FOXP1: variants seen among roughly 807,000 people sequenced by gnomAD.
The protein encoded by FOXP1 is forkhead box P1.
FOXP1 carries 15 observed loss-of-function variants against 98.2 expected under a neutral mutation model. The observed-to-expected ratio is 0.15, with a 90% CI of 0.10 to 0.24. FOXP1 has a LOEUF of 0.24. Among genes scored for constraint, FOXP1 ranks in the 10% least tolerant of loss-of-function variants. The pLI is 1.00. For synonymous variants in FOXP1, 371 were observed against 314.5 expected (o/e 1.18, Z -1.90); for missense variants, 633 against 848.5 (o/e 0.75, Z 3.15).
intron 7 of FOXP1, among the ~76,000 whole-genome samples, chr3:71,054,570 T>C (rs2050355223): frequency 6.6e-6 from 1 of 152,198 alleles, no homozygotes; most frequent in Non-Finnish European, 1.5e-5. Flanking sequence ...GTTACACAAA[T>C]TGTATTCAAG....
chr3:71,098,552 AC>A (rs1379702431), intron 7 of FOXP1, among the ~76,000 whole-genome samples: 1 of 152,186 alleles, frequency 6.6e-6, no homozygotes, highest in Non-Finnish European at 1.5e-5. Flanking sequence ...GGGCTCGCGA[AC>A]CTGAGACCAG....
intron 3 of FOXP1, among the ~76,000 whole-genome samples, chr3:71,405,830 G>C (rs1446835384): frequency 6.6e-6 from 1 of 151,976 alleles, no homozygotes; most frequent in Non-Finnish European, 1.5e-5. Context: ...CCGGGTTCAA[G>C]CAATTCTCTT....
At chr3:71,035,945 C>T (rs192192303) in intron 11 of FOXP1, among the ~76,000 whole-genome samples, 1 of 152,022 alleles carries the variant, frequency 6.6e-6, no homozygotes, top group East Asian at 1.9e-4. Context: ...ACCAAGAGCA[C>T]TGACATTTAT....
At chr3:71,340,275 AT>A (rs1162014162) in intron 4 of FOXP1, among the ~76,000 whole-genome samples, 3 of 152,366 alleles carry the variant, frequency 2.0e-5, no homozygotes, top group African/African-American at 2.4e-5. Context: ...GAAACTATAT[AT>A]GTATTTGTGC....
chr3:71,053,128 G>A (rs1227127136), intron 8 of FOXP1, among the ~76,000 whole-genome samples: 2 of 152,120 alleles, frequency 1.3e-5, no homozygotes, highest in African/African-American at 4.8e-5. Flanking sequence ...GGTCCCCATA[G>A]TGCAATGACA....
intron 4 of FOXP1, among the ~76,000 whole-genome samples, chr3:71,316,023 G>A (rs1023958695): frequency 1.3e-5 from 2 of 152,208 alleles, no homozygotes; most frequent in African/African-American, 4.8e-5. Context: ...AGGCAGCAAA[G>A]TGAAGTGGAG....
chr3:71,435,272 GAAGA>G (rs1360611983), intron 3 of FOXP1, among the ~76,000 whole-genome samples: 71 of 4,204 alleles, frequency 0.017, 33 homozygotes, highest in Non-Finnish European at 0.035. Flanking sequence ...GGGAGGGAGG[GAAGA>G]AGGGAGGGAG....
At chr3:71,133,805 G>A (rs1006345667) in intron 6 of FOXP1, among the ~76,000 whole-genome samples, 5 of 143,328 alleles carry the variant, frequency 3.5e-5, no homozygotes, top group African/African-American at 1.2e-4. Context: ...TTTTATACCC[G>A]AAAGTCTACC....
intron 6 of FOXP1, among the ~76,000 whole-genome samples, chr3:71,189,931 C>T (rs1055564309): frequency 6.6e-5 from 10 of 152,314 alleles, no homozygotes; most frequent in Non-Finnish European, 7.3e-5. Flanking sequence ...GTTCAAGAAG[C>T]CAGGAGGGAT....
intron 2 of FOXP1, among the ~76,000 whole-genome samples, chr3:71,569,844 G>A (rs1191838028): frequency 6.6e-6 from 1 of 150,892 alleles, no homozygotes; most frequent in Middle Eastern, 3.4e-3. Context: ...GTCCAGTGGC[G>A]CGATCTCAGC....
At chr3:71,081,061 G>A (rs762084767) in intron 7 of FOXP1, among the ~76,000 whole-genome samples, 12 of 152,158 alleles carry the variant, frequency 7.9e-5, no homozygotes, top group Admixed American at 5.2e-4. Context: ...GGCAACCTCC[G>A]ACTAAACTAA....
At chr3:71,301,959 C>T (rs2073881908) in intron 4 of FOXP1, among the ~76,000 whole-genome samples, 1 of 152,138 alleles carries the variant, frequency 6.6e-6, no homozygotes, top group Non-Finnish European at 1.5e-5. Flanking sequence ...ATACAACTGA[C>T]CATCCAATTT....
chr3:71,497,563 C>T (rs1356809870), intron 2 of FOXP1, among the ~76,000 whole-genome samples: 1 of 152,170 alleles, frequency 6.6e-6, no homozygotes, highest in Non-Finnish European at 1.5e-5. Context: ...CAGGGAGGCA[C>T]CAGCTTGAAG....
At chr3:70,992,601 G>A (rs1012658225) in intron 13 of FOXP1, among the ~76,000 whole-genome samples, 1 of 152,070 alleles carries the variant, frequency 6.6e-6, no homozygotes, top group African/African-American at 2.4e-5. Context: ...CAGGTGGTGG[G>A]CAATATATGG....
At position 71,583,715 on chromosome 3, in the gene FOXP1, G is replaced by C. The variant is rs2107920881; in HGVS notation, c.-591C>G. The stretch of plus-strand genomic sequence containing the variant: ...ACACGCACTCCCGGGCGAGGGCCGG[G>C]CCGCCGCGAGTACAGCGTGCAACCG... On this transcript the variant is annotated 5_prime_UTR_variant, in exon 1 of 21. Transcript: ENST00000649528. 2.0e-6 allele frequency: 2 copies of C among 985,084 alleles called. No individual in the cohort carries two copies. The highest frequency in any genetic ancestry group is 2.4e-6 in the Non-Finnish European group (2 of 829,884). The allele number at this position is 985,084 out of a possible 1,614,324, so 61.0% of individuals were successfully genotyped here. A position where few individuals can be genotyped will look rare whatever the true frequency, so the allele number is the denominator to read the frequency against.
chr3:71,508,886 G>C (rs1039779175), intron 2 of FOXP1, among the ~76,000 whole-genome samples: 1 of 152,074 alleles, frequency 6.6e-6, no homozygotes, highest in African/African-American at 2.4e-5. Context: ...CAGTTTCCTT[G>C]CTTACAAGAT....
chr3:71,126,908 A>C (rs2059246070), intron 6 of FOXP1, among the ~76,000 whole-genome samples: 1 of 151,656 alleles, frequency 6.6e-6, no homozygotes, highest in South Asian at 2.1e-4. Context: ...AAAAGAAAGA[A>C]GAAAAAAGAA....
chr3:71,043,860 G>A (rs758614334), intron 10 of FOXP1, among the ~76,000 whole-genome samples: 11 of 152,154 alleles, frequency 7.2e-5, no homozygotes, highest in Non-Finnish European at 1.3e-4. Flanking sequence ...TATACCTACA[G>A]GGTGCATTAA....
chr3:71,185,118 G>A (rs976623208), intron 6 of FOXP1, among the ~76,000 whole-genome samples: 2 of 152,056 alleles, frequency 1.3e-5, no homozygotes, highest in African/African-American at 4.8e-5. Flanking sequence ...GCTTGAACAC[G>A]GGAGGCAGAG....
Sources: allele counts gnomAD v4.1 joint callset (sites outside exome capture counted in the v4.1 genomes callset), GRCh38; gene constraint gnomAD v4.1.1; transcripts MANE v1.5; gene names NCBI Gene and HGNC (gene_info 2026-07-23, HGNC 2026-07-21).